The following PAAF1 variants were observed in gnomAD, a reference collection of about 807,000 sequenced individuals.
PAAF1 encodes the protein proteasomal ATPase associated factor 1.
A neutral mutation model predicts 52.8 loss-of-function variants in PAAF1; 46 were observed. The ratio of observed to expected loss-of-function variants is 0.87; its 90% confidence interval spans 0.69 to 1.11. The LOEUF (loss-of-function observed/expected upper bound fraction) is 1.11. PAAF1 is among the 50% of genes most tolerant of loss of function. The pLI is 0.00. For missense variants in PAAF1, 424 were observed against 477.4 expected (o/e 0.89, Z 1.04); for synonymous variants, 178 against 172.8 (o/e 1.03, Z -0.24).
intron 6 of PAAF1, among the ~76,000 whole-genome samples, chr11:73,908,237 A>ATATATATGTGTATATATATG (rs1949812954): frequency 1.3e-5 from 2 of 148,774 alleles, no homozygotes; most frequent in East Asian, 1.9e-4. Context: ...ATATGTGTGT[A>ATATATATGTGTATATATATG]TATATATGTG....
intron 10 of PAAF1, among the ~76,000 whole-genome samples, chr11:73,919,277 C>T (rs982046719): frequency 2.6e-5 from 4 of 152,142 alleles, no homozygotes; most frequent in Non-Finnish European, 5.9e-5. Context: ...GCTCAATGCC[C>T]ACCACTCTTC....
intron 9 of PAAF1, among the ~76,000 whole-genome samples, chr11:73,918,207 G>C (rs1338119557): frequency 6.6e-6 from 1 of 152,096 alleles, no homozygotes; most frequent in East Asian, 1.9e-4. Context: ...CTGCATATGA[G>C]GGCAGTGGTG....
intron 6 of PAAF1, among the ~76,000 whole-genome samples, chr11:73,905,823 T>G (rs1292664723): frequency 6.6e-6 from 1 of 152,190 alleles, no homozygotes; most frequent in African/African-American, 2.4e-5. Flanking sequence ...GAATACATAC[T>G]TTTCAGAATT....
At chr11:73,888,137 A>G (rs1165033744) in intron 3 of PAAF1, among the ~76,000 whole-genome samples, 1 of 152,152 alleles carries the variant, frequency 6.6e-6, no homozygotes, top group Non-Finnish European at 1.5e-5. Context: ...TATTAGAGAT[A>G]TTTTACATTT....
chr11:73,921,766 A>C, intron 10 of PAAF1: 1 of 1,192,150 alleles, frequency 8.4e-7, no homozygotes, highest in Non-Finnish European at 1.2e-6. Flanking sequence ...ACAAAGTCTC[A>C]GCCCAGTCTC....
At chr11:73,885,050 G>A (rs1304316855) in intron 2 of PAAF1, among the ~76,000 whole-genome samples, 30 of 151,596 alleles carry the variant, frequency 2.0e-4, no homozygotes, top group Non-Finnish European at 3.2e-4. Context: ...TAGTAGAGAC[G>A]GGGTTTCACC....
At chr11:73,922,080 T>C (rs1434345870) in intron 10 of PAAF1, 4 of 882,022 alleles carry the variant, frequency 4.5e-6, no homozygotes, top group Non-Finnish European at 7.4e-6. Flanking sequence ...AGTATCTGTA[T>C]CTTTTGTCTC....
chr11:73,910,231 A>G (rs2135201932), intron 7 of PAAF1, among the ~76,000 whole-genome samples: 1 of 152,310 alleles, frequency 6.6e-6, no homozygotes, highest in South Asian at 2.1e-4. Flanking sequence ...CAAATTAGCA[A>G]GTCCTAATGC....
chr11:73,883,005 T>A (rs576684986), intron 2 of PAAF1, among the ~76,000 whole-genome samples: 1 of 152,292 alleles, frequency 6.6e-6, no homozygotes, highest in African/African-American at 2.4e-5. Flanking sequence ...GTTCAAGAGA[T>A]CCTCCCACTT....
chr11:73,894,114 T>G (rs2886812), intron 4 of PAAF1, among the ~76,000 whole-genome samples: 12,064 of 152,194 alleles, frequency 0.079, 662 homozygotes, highest in African/African-American at 0.16. Flanking sequence ...TTATACATCA[T>G]TTTTTATTAT....
intron 4 of PAAF1, among the ~76,000 whole-genome samples, chr11:73,896,625 C>G (rs1020870150): frequency 6.6e-6 from 1 of 151,950 alleles, no homozygotes; most frequent in East Asian, 1.9e-4. Flanking sequence ...GTAAGGTCAC[C>G]GATCAACAGG....
rs1950412254 is a variant in PAAF1 at position 73,928,534 on chromosome 11, A to T, written c.*1172A>T. 1 of 152,222 alleles carries T rather than the reference A, an allele frequency of 6.6e-6. No homozygotes were observed. 9.4% of individuals were successfully genotyped at this position (152,222 alleles called of 1,614,324 possible). A position where few individuals can be genotyped will look rare whatever the true frequency, so the allele number is the denominator to read the frequency against. On this transcript the variant is annotated 3_prime_UTR_variant, in exon 12 of 12. Coordinates refer to ENST00000310571, the MANE Select transcript of PAAF1 (RefSeq NM_025155.3). ...TCTCTGAGATTTTCCATCTCAGTAC[A>T]TGTAGACGTTCCTCATTCTTTTTTA...
At chr11:73,881,523 A>T (rs1948906762) in intron 2 of PAAF1, among the ~76,000 whole-genome samples, 1 of 152,172 alleles carries the variant, frequency 6.6e-6, no homozygotes, top group South Asian at 2.1e-4. Context: ...CCTGAGCTCA[A>T]GTGATCCGCC....
chr11:73,903,305 C>G (rs996849033), intron 6 of PAAF1, among the ~76,000 whole-genome samples: 6 of 152,222 alleles, frequency 3.9e-5, no homozygotes, highest in Admixed American at 6.5e-5. Context: ...GGATTGATCT[C>G]TGATAGCTTA....
At chr11:73,905,940 G>T (rs545795421) in intron 6 of PAAF1, among the ~76,000 whole-genome samples, 12 of 152,154 alleles carry the variant, frequency 7.9e-5, no homozygotes, top group Non-Finnish European at 1.8e-4. Context: ...TGCTTAATAA[G>T]AGCTGAAAGA....
chr11:73,904,669 T>G lies in PAAF1; in HGVS notation c.532+4249T>G, dbSNP rs118048881. Among the ~76,000 whole-genome samples, 1,492 of 152,264 alleles carry G rather than the reference T, an allele frequency of 9.8e-3. 22 individuals are homozygous for G. The highest frequency in any genetic ancestry group is 0.037 in the Middle Eastern group (11 of 294). On this transcript the variant is annotated intron_variant, in intron 6 of 11. Coordinates refer to ENST00000310571, the MANE Select transcript of PAAF1 (RefSeq NM_025155.3). ...CGGAGATCTGAGTCATAGCCATTAA[T>G]TTTCCCATATACGCATGTATGTATA...
chr11:73,896,122 A>G (rs1949346126), intron 4 of PAAF1, among the ~76,000 whole-genome samples: 1 of 152,146 alleles, frequency 6.6e-6, no homozygotes, highest in Admixed American at 6.5e-5. Context: ...AAAAAACACA[A>G]AAACTATAAA....
intron 4 of PAAF1, among the ~76,000 whole-genome samples, chr11:73,896,774 G>A (rs945055882): frequency 1.4e-4 from 22 of 152,186 alleles, no homozygotes; most frequent in Non-Finnish European, 2.4e-4. Context: ...CTACAAAACC[G>A]CCATTGTCCT....
At chr11:73,897,747 A>G (rs1949452945) in intron 4 of PAAF1, among the ~76,000 whole-genome samples, 1 of 150,042 alleles carries the variant, frequency 6.7e-6, no homozygotes, top group Non-Finnish European at 1.5e-5. Context: ...ATGGGCGGCC[A>G]GGCAGAGATG....
Sources: allele counts gnomAD v4.1 joint callset (sites outside exome capture counted in the v4.1 genomes callset), GRCh38; gene constraint gnomAD v4.1.1; transcripts MANE v1.5; gene names NCBI Gene and HGNC (gene_info 2026-07-23, HGNC 2026-07-21).